LAMA4: variants seen among roughly 807,000 people sequenced by gnomAD.
LAMA4 encodes the protein laminin subunit alpha 4.
LAMA4 carries 127 observed loss-of-function variants against 207.1 expected under a neutral mutation model. That is an observed-to-expected ratio of 0.61 (90% confidence interval 0.53 to 0.71). The LOEUF is 0.71. Ranked by LOEUF, LAMA4 falls within the 30% of genes least tolerant of loss-of-function variation. The pLI is 0.00. For synonymous variants in LAMA4, 761 were observed against 816.0 expected, an observed-to-expected ratio of 0.93 and a Z score of 1.15; for missense variants, 2,093 against 2,246.5, an observed-to-expected ratio of 0.93 and a Z score of 1.38.
intron 2 of LAMA4, among the ~76,000 whole-genome samples, chr6:112,237,083 TTTG>T (rs1280388922): frequency 1.3e-5 from 2 of 152,188 alleles, no homozygotes; most frequent in Non-Finnish European, 2.9e-5. Flanking sequence ...CCGAAGCTCC[TTTG>T]TTGTTGTCCT....
chr6:112,201,879 C>T (rs1469616544), intron 4 of LAMA4, among the ~76,000 whole-genome samples, 191 bp from the exon 5 acceptor site: 1 of 152,176 alleles, frequency 6.6e-6, no homozygotes, highest in African/African-American at 2.4e-5. Context: ...GAAAATGCCA[C>T]TTGTTGGTGG....
chr6:112,201,234 C>T (rs1467150667), intron 5 of LAMA4, among the ~76,000 whole-genome samples: 1 of 152,108 alleles, frequency 6.6e-6, no homozygotes, highest in Non-Finnish European at 1.5e-5. Context: ...ATTTTATTTA[C>T]TGAGGAAACC....
At chr6:112,173,127 G>C (rs943344731) in intron 11 of LAMA4, among the ~76,000 whole-genome samples, 1 of 152,010 alleles carries the variant, frequency 6.6e-6, no homozygotes, top group African/African-American at 2.4e-5. Context: ...TGTGTAAAGG[G>C]GACTTGGGTA....
intron 3 of LAMA4, among the ~76,000 whole-genome samples, chr6:112,211,241 G>A (rs1784341240): frequency 6.6e-6 from 1 of 152,202 alleles, no homozygotes; most frequent in Admixed American, 6.5e-5. Context: ...AATATTGGCA[G>A]CACTGTTTGC....
intron 25 of LAMA4, among the ~76,000 whole-genome samples, chr6:112,135,443 T>C (rs567850121): frequency 6.6e-6 from 1 of 152,344 alleles, no homozygotes; most frequent in South Asian, 2.1e-4. Flanking sequence ...ATTCTTTTAT[T>C]GTAAACCATT....
intron 2 of LAMA4, among the ~76,000 whole-genome samples, chr6:112,217,420 G>C (rs1419810858): frequency 6.6e-6 from 1 of 152,166 alleles, no homozygotes; most frequent in Non-Finnish European, 1.5e-5. Flanking sequence ...ATAAGAATCT[G>C]CTTTGTTTCC....
In LAMA4 at chr6:112,130,972, T is replaced by C. The variant is rs1240965450; in HGVS notation, c.3964A>G (p.Thr1322Ala). Residue 1322 changes from threonine to alanine, a missense_variant, in exon 29 of 39, where the codon ACA becomes GCA. This residue lies in a region of LAMA4 where 1,704 missense variants were observed against 1,788.4 expected (regional missense o/e 0.95). Coordinates refer to ENST00000230538, the MANE Select transcript of LAMA4 (RefSeq NM_001105206.3). ...SHFVISSVSPTRYELIVDKSR... is the reference protein window; with the variant it reads ...SHFVISSVSPARYELIVDKSR... Reference sequence around the variant, plus strand: ...ATATGAAGTGAGGAGCTATACCTTGTGGGTGAGACAGAGCTAATGACGAAG... The same window carrying C: ...ATATGAAGTGAGGAGCTATACCTTGCGGGTGAGACAGAGCTAATGACGAAG... 1.7e-5 allele frequency: 27 copies of C among 1,612,958 alleles called. No homozygotes were observed. The highest frequency in any genetic ancestry group is 2.2e-5 in the Non-Finnish European group (26 of 1,179,194).
At position 112,155,660 on chromosome 6, in the gene LAMA4, C is replaced by T. The variant is rs1219097715; in HGVS notation, c.1864G>A (p.Asp622Asn). ...DMNGLVQKAL[D>N]ASNVYENIVN... ...ATATTTTCATAGACATTTGATGCATCCAAAGCCTTCTGTACCAGCCCGTTC... is the reference window on the plus strand; with the variant it reads ...ATATTTTCATAGACATTTGATGCATTCAAAGCCTTCTGTACCAGCCCGTTC... Residue 622 changes from aspartate to asparagine, a missense_variant, in exon 15 of 39, where the codon GAT becomes AAT. By Grantham distance (23) the Asp-to-Asn change is conservative. This residue lies in a region of LAMA4 where 1,704 missense variants were observed against 1,788.4 expected (regional missense o/e 0.95). Coordinates refer to ENST00000230538, the MANE Select transcript of LAMA4 (RefSeq NM_001105206.3). 4 of 1,614,088 alleles carry T rather than the reference C, an allele frequency of 2.5e-6. No individual in the cohort carries two copies. The South Asian group carries it at 4.4e-5, about 18-fold the overall frequency.
chr6:112,129,071 C>G lies in LAMA4; in HGVS notation c.4138G>C (p.Asp1380His), dbSNP rs782018286. The G allele has an allele frequency of 6.2e-7, 1 of 1,610,714 alleles. No homozygotes were observed. Among genetic ancestry groups the G allele is most frequent in the Non-Finnish European group, 8.5e-7 (1 of 1,177,134 alleles). Residue 1380 changes from aspartate to histidine, a missense_variant, in exon 31 of 39, where the codon GAT becomes CAT. Asp to His is a moderately conservative substitution (Grantham distance 81). Coordinates refer to ENST00000230538, the MANE Select transcript of LAMA4 (RefSeq NM_001105206.3). ...AAATCTTCAACCTCCACATCTCTAT[C>G]CACCCTGTGTTTGTAACAGAGGAAA... The part of the protein sequence containing the change: ...CISNAYFTRV[D>H]RDVEVEDFQR...
chr6:112,231,096 T>C (rs1226196430), intron 2 of LAMA4, among the ~76,000 whole-genome samples: 1 of 152,218 alleles, frequency 6.6e-6, no homozygotes, highest in Non-Finnish European at 1.5e-5. Context: ...ATGCTGTCCA[T>C]CTCTGCCTTT....
chr6:112,117,455 G>C lies in LAMA4; in HGVS notation c.4981+284C>G, dbSNP rs782429250. On this transcript the variant is annotated intron_variant, in intron 35 of 38. Transcript: ENST00000230538. This position sits in a 1 kb window ranked among gnomAD's most constrained non-coding sequence, Gnocchi z 4.5. ...AGCAAGGTGGCCAAAAACTGACATG[G>C]ATCAGGCCACGGAGCAGCATAGACA... Among the ~76,000 whole-genome samples the C allele has an allele frequency of 1.3e-5, 2 of 152,154 alleles. No homozygotes were observed. Among genetic ancestry groups the C allele is most frequent in the Non-Finnish European group, 2.9e-5 (2 of 68,026 alleles).
Position 112,118,335 on chromosome 6 carries a change from T to G in LAMA4, c.4822-437A>C, listed in dbSNP as rs1778146265. 2.0e-5 allele frequency among the ~76,000 whole-genome samples: 3 copies of G among 152,184 alleles called. No individual in the cohort carries two copies. Among genetic ancestry groups the G allele is most frequent in the Admixed American group, 6.5e-5 (1 of 15,272 alleles). ...TGGTTTCATGAGCTGTTTTTGTGGT[T>G]GAGAATTTATCATATCACAGGACAT... is the stretch of plus-strand genomic sequence containing the variant. On this transcript the variant is annotated intron_variant, in intron 34 of 38. Transcript: ENST00000230538. This position sits in a 1 kb window ranked among gnomAD's most constrained non-coding sequence, Gnocchi z 4.6.
intron 7 of LAMA4, 113 bp from the exon 8 acceptor site, chr6:112,187,714 T>A: frequency 9.4e-7 from 1 of 1,065,030 alleles, no homozygotes; most frequent in Non-Finnish European, 1.4e-6. Context: ...TATTTTTGTC[T>A]CATGAAGAGC....
chr6:112,237,588 C>A (rs199632331), intron 2 of LAMA4, among the ~76,000 whole-genome samples: 1 of 152,216 alleles, frequency 6.6e-6, no homozygotes, highest in Admixed American at 6.5e-5. Context: ...TCAGGCATTT[C>A]CATGGAGCCT....
chr6:112,186,691 A>T, intron 8 of LAMA4: 1 of 431,018 alleles, frequency 2.3e-6, no homozygotes, highest in East Asian at 7.0e-5. Flanking sequence ...TAATACTAAC[A>T]CAATGTCAAT....
intron 12 of LAMA4, among the ~76,000 whole-genome samples, chr6:112,168,323 A>G (rs1048676516): frequency 1.4e-5 from 2 of 143,012 alleles, no homozygotes; most frequent in African/African-American, 2.6e-5. Flanking sequence ...GGAAGGAAGG[A>G]CTCCTTCTGG....
Position 112,120,481 on chromosome 6 carries a change from T to C in LAMA4, c.4476-9A>G. The C allele has an allele frequency of 1.2e-6, 2 of 1,606,660 alleles. No individual in the cohort carries two copies. Among genetic ancestry groups the C allele is most frequent in the Non-Finnish European group, 1.7e-6 (2 of 1,173,524 alleles). On this transcript the variant is annotated splice_polypyrimidine_tract_variant and intron_variant, in intron 32 of 38. Transcript: ENST00000230538. Reference sequence around the variant, plus strand: ...GAATGGAAAACTGAGATCTGGTAAATGAAAAGAAAGGGATTACCATATGTA... The same window carrying C: ...GAATGGAAAACTGAGATCTGGTAAACGAAAAGAAAGGGATTACCATATGTA...
rs1678512680 is a variant in LAMA4 at position 112,179,001 on chromosome 6, A to G, written c.1078-769T>C. On this transcript the variant is annotated intron_variant, in intron 9 of 38. Coordinates refer to ENST00000230538, the MANE Select transcript of LAMA4 (RefSeq NM_001105206.3). ...CAACCACTGCTGAAATTGAATTACCACAGAGATTTCAAGGATTATTCTCAC... is the reference window on the plus strand; with the variant it reads ...CAACCACTGCTGAAATTGAATTACCGCAGAGATTTCAAGGATTATTCTCAC... 1.3e-5 allele frequency: 2 copies of G among 152,184 alleles called. 1 individual carries two copies. The highest frequency in any genetic ancestry group is 4.1e-4 in the South Asian group (2 of 4,830). The allele number at this position is 152,184 out of a possible 1,614,324, so 9.4% of individuals were successfully genotyped here. A position where few individuals can be genotyped will look rare whatever the true frequency, so the allele number is the denominator to read the frequency against.
rs1430820352 is a variant in LAMA4, at chr6:112,108,108, T to C, written c.*1329A>G. Among the ~76,000 whole-genome samples the C allele has an allele frequency of 6.6e-6, 1 of 152,128 alleles. No individual in the cohort carries two copies. Among genetic ancestry groups the C allele is most frequent in the African/African-American group, 2.4e-5 (1 of 41,410 alleles). On this transcript the variant is annotated 3_prime_UTR_variant, in exon 39 of 39. Coordinates refer to ENST00000230538, the MANE Select transcript of LAMA4 (RefSeq NM_001105206.3). The stretch of plus-strand genomic sequence containing the variant: ...TGGACATATATACCAATATGTAATA[T>C]ATATATAATCATTTCAAGGTAACAT...
Sources: allele counts gnomAD v4.1 joint callset (sites outside exome capture counted in the v4.1 genomes callset), GRCh38; gene constraint gnomAD v4.1.1; regional missense constraint gnomAD v4.1.1; non-coding constraint Gnocchi (gnomAD v3.1); transcripts MANE v1.5; gene names NCBI Gene and HGNC (gene_info 2026-07-23, HGNC 2026-07-21).